Variants in ZNF236 observed in about 807,000 individuals in gnomAD.
ZNF236 encodes zinc finger protein 236, also known as regulated by glucose.
Under a neutral mutation model 191.2 loss-of-function variants are expected in ZNF236, and 50 were observed. That is an observed-to-expected ratio of 0.26 (90% CI 0.21 to 0.33). The LOEUF (loss-of-function observed/expected upper bound fraction) is 0.33. ZNF236 is among the 10% of genes least tolerant of loss of function. The pLI, the probability that ZNF236 is intolerant of heterozygous loss-of-function variation, is 1.00. For missense variants in ZNF236, 1,754 were observed against 2,374.5 expected (o/e 0.74, Z 5.43); for synonymous variants, 907 against 928.8 (o/e 0.98, Z 0.43).
chr18:76,832,606 T>C (rs1286168870), intron 1 of ZNF236, among the ~76,000 whole-genome samples: 1 of 152,078 alleles, frequency 6.6e-6, no homozygotes, highest in Admixed American at 6.6e-5. Context: ...GGCTAGTCAG[T>C]TTCACACTGT....
chr18:76,910,881 A>C, intron 16 of ZNF236, 70 bp downstream of exon 16: 1 of 1,550,350 alleles, frequency 6.5e-7, no homozygotes, highest in Non-Finnish European at 8.7e-7. Context: ...CACTGTCATT[A>C]TTAAAAATTT....
chr18:76,914,017 T>A (rs1239114551), intron 18 of ZNF236, 119 bp downstream of exon 18: 1 of 1,140,326 alleles, frequency 8.8e-7, no homozygotes, highest in South Asian at 1.6e-5. Flanking sequence ...ATTTTTAGTA[T>A]GTTCATAGAG....
At chr18:76,850,902 C>A (rs1217655256) in intron 2 of ZNF236, among the ~76,000 whole-genome samples, 1 of 151,372 alleles carries the variant, frequency 6.6e-6, no homozygotes, top group Admixed American at 6.6e-5. Flanking sequence ...CCACCCCCGG[C>A]CTGCTTGAAG....
chr18:76,912,435 G>A (rs1467659245), intron 17 of ZNF236, 88 bp downstream of exon 17: 12 of 857,260 alleles, frequency 1.4e-5, no homozygotes, highest in Non-Finnish European at 1.5e-5. Flanking sequence ...AGGGCTCTGC[G>A]ATTTCATTCT....
chr18:76,851,700 A>C, intron 2 of ZNF236, 75 bp from the exon 3 acceptor site: 1 of 1,480,736 alleles, frequency 6.8e-7, no homozygotes, highest in East Asian at 2.3e-5. Flanking sequence ...GTACTTGTTA[A>C]TATTTTCATT....
chr18:76,955,897 C>A (rs1968511021), intron 27 of ZNF236, 88 bp from the exon 28 acceptor site: 1 of 1,418,876 alleles, frequency 7.0e-7, no homozygotes, highest in Non-Finnish European at 9.7e-7. Context: ...CTAGGAATGT[C>A]CCTCTTATCA....
intron 25 of ZNF236, among the ~76,000 whole-genome samples, chr18:76,929,391 A>G (rs778296947): frequency 1.3e-4 from 20 of 152,172 alleles, no homozygotes; most frequent in Non-Finnish European, 7.3e-5. Context: ...AAGAGTTACA[A>G]TATTTTAGGA....
chr18:76,928,132 CT>C, intron 25 of ZNF236, 26 bp downstream of exon 25: 2 of 1,581,118 alleles, frequency 1.3e-6, no homozygotes, highest in Non-Finnish European at 1.7e-6. Flanking sequence ...TTTTAAACAT[CT>C]TTTCACCCTG....
chr18:76,867,993 C>A (rs1424297512), intron 3 of ZNF236, among the ~76,000 whole-genome samples: 1 of 151,630 alleles, frequency 6.6e-6, no homozygotes, highest in African/African-American at 2.4e-5. Flanking sequence ...AAAAAAAAAA[C>A]CCAAACAGGT....
chr18:76,942,581 C>T (rs949543892), intron 26 of ZNF236, among the ~76,000 whole-genome samples: 99 of 151,462 alleles, frequency 6.5e-4, no homozygotes, highest in Non-Finnish European at 1.2e-3. Flanking sequence ...GCACGATCTC[C>T]GCTCAGTGCA....
chr18:76,898,826 A>G (rs1310949410), intron 10 of ZNF236, among the ~76,000 whole-genome samples, 193 bp from the exon 11 acceptor site: 5 of 152,256 alleles, frequency 3.3e-5, no homozygotes, highest in African/African-American at 1.2e-4. Flanking sequence ...CTCTTATAAC[A>G]TGCCTTAATA....
At chr18:76,951,409 T>C (rs183267534) in intron 27 of ZNF236, among the ~76,000 whole-genome samples, 79 of 152,360 alleles carry the variant, frequency 5.2e-4, no homozygotes, top group African/African-American at 1.9e-3. Context: ...CACTTGCTGC[T>C]TCACCTTGCA....
In ZNF236 at chr18:76,970,454, ATTAT is replaced by A. The variant is rs1176912315; in HGVS notation, c.*2118_*2121del. ...TTAGCAAACACAAGACATTTTATGT[ATTAT>A]TTCGATTTACTTCCTAATTATAAAA... On this transcript the variant is annotated 3_prime_UTR_variant, in exon 31 of 31. Coordinates refer to ENST00000320610, the MANE Select transcript of ZNF236 (RefSeq NM_001306089.2). 1.3e-5 allele frequency: 2 copies of A among 152,654 alleles called. No individual in the cohort carries two copies. The highest frequency in any genetic ancestry group is 2.9e-5 in the Non-Finnish European group (2 of 68,028). 9.5% of individuals were successfully genotyped at this position (152,654 alleles called of 1,614,324 possible).
chr18:76,868,393 A>G (rs1277508813), intron 3 of ZNF236, among the ~76,000 whole-genome samples: 2 of 152,182 alleles, frequency 1.3e-5, no homozygotes, highest in African/African-American at 2.4e-5. Context: ...GCCATTACCC[A>G]ACACCACTTC....
intron 26 of ZNF236, among the ~76,000 whole-genome samples, chr18:76,942,701 A>G (rs1486612461): frequency 6.6e-6 from 1 of 150,400 alleles, no homozygotes; most frequent in African/African-American, 2.4e-5. Context: ...TTTTTAGTAG[A>G]GACGGGGTTT....
At chr18:76,862,757 C>G (rs1461395904) in intron 3 of ZNF236, among the ~76,000 whole-genome samples, 2 of 152,330 alleles carry the variant, frequency 1.3e-5, no homozygotes, top group East Asian at 1.9e-4. Flanking sequence ...TCTGCTGCTG[C>G]TGGTCCTTAC....
intron 1 of ZNF236, among the ~76,000 whole-genome samples, chr18:76,842,279 C>T (rs758539159): frequency 2.0e-5 from 3 of 151,202 alleles, no homozygotes; most frequent in Non-Finnish European, 4.4e-5. Context: ...AACCTTCACC[C>T]GTGATAATTA....
At chr18:76,965,744 T>C (rs1246787777) in intron 30 of ZNF236, among the ~76,000 whole-genome samples, 2 of 152,220 alleles carry the variant, frequency 1.3e-5, no homozygotes, top group Non-Finnish European at 2.9e-5. Flanking sequence ...GAACCATTCA[T>C]GGTCTCTCAG....
In ZNF236 at chr18:76,849,164, GT is replaced by G. The variant is rs140484827; in HGVS notation, c.56-359del. 6.4e-3 allele frequency: 1,070 copies of G among 166,926 alleles called. 12 individuals are homozygous for G. Among genetic ancestry groups the G allele is most frequent in the African/African-American group, 0.023 (985 of 42,230 alleles). 10.3% of individuals were successfully genotyped at this position (166,926 alleles called of 1,614,324 possible). ...GATTTGGAGGTGAAATGCGTCAGTGGTTTGTAGTGACTTTGAAACACTATAC... is the reference window on the plus strand; with the variant it reads ...GATTTGGAGGTGAAATGCGTCAGTGGTTGTAGTGACTTTGAAACACTATAC... On this transcript the variant is annotated intron_variant, in intron 1 of 30. Transcript: ENST00000320610.
Sources: gnomAD v4.1 joint callset for allele counts (sites outside exome capture counted in the v4.1 genomes callset) on GRCh38, gnomAD v4.1.1 for gene constraint, MANE v1.5 for transcripts, NCBI Gene and HGNC (gene_info 2026-07-23, HGNC 2026-07-21) for gene names.